WNK2: variants seen among roughly 807,000 people sequenced by gnomAD.
The protein encoded by WNK2 is serine/threonine-protein kinase WNK2.
Under a neutral mutation model 192.1 loss-of-function variants are expected in WNK2, and 67 were observed. The observed-to-expected ratio is 0.35, with a 90% CI of 0.29 to 0.43. WNK2 has a LOEUF of 0.43. Among genes scored for constraint, WNK2 ranks in the 20% least tolerant of loss-of-function variants. The probability of loss-of-function intolerance (pLI) is 1.00; values close to 1 mark genes in which losing one functional copy is unlikely to be tolerated. For synonymous variants in WNK2, 1,439 were observed against 1,393.9 expected (o/e 1.03, Z -0.72); for missense variants, 2,698 against 3,089.7 (o/e 0.87, Z 3.01).
intron 21 of WNK2, 45 bp from the exon 22 acceptor site, chr9:93,292,263 C>G (rs776770977): frequency 3.7e-6 from 6 of 1,605,512 alleles, no homozygotes; most frequent in Admixed American, 1.7e-5. Context: ...ATCTCTGCCT[C>G]TTCCTCCTCC....
intron 2 of WNK2, among the ~76,000 whole-genome samples, chr9:93,221,798 C>T (rs369081209): frequency 7.2e-5 from 11 of 152,088 alleles, no homozygotes; most frequent in Non-Finnish European, 1.6e-4. Flanking sequence ...AGAGCCGCGT[C>T]GTGTCCATCA....
intron 2 of WNK2, among the ~76,000 whole-genome samples, chr9:93,215,022 G>C (rs1170739075): frequency 6.6e-6 from 1 of 151,816 alleles, no homozygotes; most frequent in East Asian, 1.9e-4. Flanking sequence ...AGCTGGAACT[G>C]CAGGCATGTG....
chr9:93,314,988 C>G (rs1347392822), intron 28 of WNK2, among the ~76,000 whole-genome samples: 1 of 152,140 alleles, frequency 6.6e-6, no homozygotes, highest in African/African-American at 2.4e-5. Flanking sequence ...AGTCAGCAAG[C>G]AGAATGCCTT....
In WNK2 at chr9:93,257,833, CTGACTGCA is replaced by C. The variant is rs1843559411; in HGVS notation, c.2382+697_2382+704del. Among the ~76,000 whole-genome samples, 1 of 152,212 alleles carries C rather than the reference CTGACTGCA, an allele frequency of 6.6e-6. No homozygotes were observed. Among genetic ancestry groups the C allele is most frequent in the African/African-American group, 2.4e-5 (1 of 41,460 alleles). Reference sequence around the variant, plus strand: ...GTACACTGTCTTTCACTCGAGGGACCTGACTGCATGTAACTGGTGCAGAATGTAGCCGG... The same window carrying C: ...GTACACTGTCTTTCACTCGAGGGACCTGTAACTGGTGCAGAATGTAGCCGG... On this transcript the variant is annotated intron_variant, in intron 11 of 29. Coordinates refer to ENST00000427277, the MANE Select transcript of WNK2 (RefSeq NM_006648.4). The surrounding 1 kb of genome is among the most constrained non-coding windows in gnomAD (Gnocchi z 4.7).
chr9:93,301,355 A>G (rs1215623420), intron 26 of WNK2, among the ~76,000 whole-genome samples: 1 of 152,210 alleles, frequency 6.6e-6, no homozygotes, highest in African/African-American at 2.4e-5. Flanking sequence ...GTCCACTGCC[A>G]TCCACCCACC....
At chr9:93,207,938 G>T (rs924586990) in intron 2 of WNK2, among the ~76,000 whole-genome samples, 1 of 152,198 alleles carries the variant, frequency 6.6e-6, no homozygotes, top group Non-Finnish European at 1.5e-5. Flanking sequence ...GGACAGCTTC[G>T]TGTCCCACCC....
intron 16 of WNK2, among the ~76,000 whole-genome samples, chr9:93,266,179 G>A (rs754696686): frequency 3.3e-5 from 5 of 152,168 alleles, no homozygotes; most frequent in African/African-American, 9.7e-5. Context: ...TGGGACAGGC[G>A]CTGTTTAGAC....
At chr9:93,285,969 G>T (rs529973949) in intron 19 of WNK2, among the ~76,000 whole-genome samples, 3 of 152,200 alleles carry the variant, frequency 2.0e-5, no homozygotes, top group Non-Finnish European at 4.4e-5. Context: ...GGGATAGTAG[G>T]CTGTCCACAC....
chr9:93,249,587 C>T (rs1842242226), intron 8 of WNK2, among the ~76,000 whole-genome samples: 1 of 152,170 alleles, frequency 6.6e-6, no homozygotes, highest in Admixed American at 6.5e-5. Flanking sequence ...CATTCTCCTG[C>T]CTCAGCCCCT....
Position 93,297,747 on chromosome 9 carries a change from C to T in WNK2, c.5709-106C>T. 2.5e-6 allele frequency: 3 copies of T among 1,203,896 alleles called. No homozygotes were observed. The South Asian group carries it at 4.4e-5, about 18-fold the overall frequency. 74.6% of individuals were successfully genotyped at this position (1,203,896 alleles called of 1,614,324 possible). A position where few individuals can be genotyped will look rare whatever the true frequency, so the allele number is the denominator to read the frequency against. On this transcript the variant is annotated intron_variant, in intron 23 of 29. Coordinates refer to ENST00000427277, the MANE Select transcript of WNK2 (RefSeq NM_006648.4). ...CAGGCCAAGGCACAGGCAGGGTGCC[C>T]ACCCTTCATCCCATGTTCTCCCACG...
In WNK2 at chr9:93,292,967, C is replaced by G. The variant is rs563165488; in HGVS notation, c.5502C>G (p.Gly1834=). 2.3e-5 allele frequency: 36 copies of G among 1,537,722 alleles called. No homozygotes were observed. Among genetic ancestry groups the G allele is most frequent in the Non-Finnish European group, 2.9e-5 (33 of 1,143,360 alleles). ...ASLPVSGSVA[G]DFVKKATAFL... ...TGCCCGTGAGTGGCAGCGTGGCTGG[C>G]GACTTCGTGAAGAAGGCCACCGCCT... is the stretch of plus-strand genomic sequence containing the variant. Residue 1834 remains glycine, a synonymous_variant, in exon 23 of 30, where the codon GGC becomes GGG. Transcript: ENST00000427277.
chr9:93,213,871 AACTAGC>A (rs1835229565), intron 2 of WNK2, among the ~76,000 whole-genome samples: 1 of 152,222 alleles, frequency 6.6e-6, no homozygotes, highest in Non-Finnish European at 1.5e-5. Flanking sequence ...GTTTAATATA[AACTAGC>A]ACTTTACCAC....
Position 93,255,219 on chromosome 9 carries a change from G to A in WNK2, c.2035-1080G>A, listed in dbSNP as rs117814933. Among the ~76,000 whole-genome samples, 1,510 of 152,322 alleles carry A rather than the reference G, an allele frequency of 9.9e-3. 11 individuals carry two copies. Among genetic ancestry groups the A allele is most frequent in the Non-Finnish European group, 0.017 (1,129 of 68,030 alleles). On this transcript the variant is annotated intron_variant, in intron 9 of 29. Coordinates refer to ENST00000427277, the MANE Select transcript of WNK2 (RefSeq NM_006648.4). ...TCCCTACCCCTCCGTGCCTTTCCTGGGATGGTTGCCATGGTGATGTGTCTG... is the reference window on the plus strand; with the variant it reads ...TCCCTACCCCTCCGTGCCTTTCCTGAGATGGTTGCCATGGTGATGTGTCTG...
At chr9:93,237,253 A>G (rs1191841609) in intron 5 of WNK2, among the ~76,000 whole-genome samples, 1 of 152,084 alleles carries the variant, frequency 6.6e-6, no homozygotes, top group Non-Finnish European at 1.5e-5. Context: ...TTATTTCTTC[A>G]AGTCTTTTTT....
Position 93,252,915 on chromosome 9 carries a change from A to G in WNK2, c.1867A>G (p.Thr623Ala), listed in dbSNP as rs766123567. The change falls in exon 9 of 30, where the codon ACC becomes GCC. Residue 623 changes from threonine (T) to alanine (A), a missense_variant. Physicochemically the swap from Thr to Ala is moderately conservative, Grantham distance 58 (BLOSUM62 0). Coordinates refer to ENST00000427277, the MANE Select transcript of WNK2 (RefSeq NM_006648.4). Reference sequence around the variant, plus strand: ...CACCTTCGACAGCGGCCAGGGCTCTACCGTGTACTCAGACTCGCAGAGCAG... The same window carrying G: ...CACCTTCGACAGCGGCCAGGGCTCTGCCGTGTACTCAGACTCGCAGAGCAG... ...DSTFDSGQGS[T>A]VYSDSQSSQQ... 1.0e-5 allele frequency: 16 copies of G among 1,563,808 alleles called. No homozygotes were observed. Among genetic ancestry groups the G allele is most frequent in the Admixed American group, 9.4e-5 (5 of 53,012 alleles).
intron 2 of WNK2, among the ~76,000 whole-genome samples, chr9:93,208,194 G>C (rs1833741200): frequency 6.6e-6 from 1 of 152,198 alleles, no homozygotes; most frequent in African/African-American, 2.4e-5. Flanking sequence ...TTTGGAGATG[G>C]GTGTCCCTTG....
intron 7 of WNK2, among the ~76,000 whole-genome samples, chr9:93,246,898 A>T (rs1352098532): frequency 6.6e-6 from 1 of 152,184 alleles, no homozygotes; most frequent in Non-Finnish European, 1.5e-5. Flanking sequence ...GCCCCTTCAA[A>T]AGGGATCTCT....
At position 93,185,316 on chromosome 9, in the gene WNK2, C is replaced by T. The variant is rs1280843756; in HGVS notation, c.387C>T (p.Ile129=). The T allele has an allele frequency of 2.0e-6, 3 of 1,516,530 alleles. No individual in the cohort carries two copies. The highest frequency in any genetic ancestry group is 2.0e-5 in the Admixed American group (1 of 48,792). 93.9% of individuals were successfully genotyped at this position (1,516,530 alleles called of 1,614,324 possible). Residue 129 remains isoleucine (I), a synonymous_variant, in exon 2 of 30, where the codon ATC becomes ATT. Coordinates refer to ENST00000427277, the MANE Select transcript of WNK2 (RefSeq NM_006648.4). ...VGTQEPGPDP[I]AAAVETAPAP... ...CGCAGGAGCCCGGCCCGGACCCCATCGCAGCCGCTGTCGAAACCGCGCCTG... is the reference window on the plus strand; with the variant it reads ...CGCAGGAGCCCGGCCCGGACCCCATTGCAGCCGCTGTCGAAACCGCGCCTG...
chr9:93,204,211 T>C (rs73523657), intron 2 of WNK2, among the ~76,000 whole-genome samples: 44 of 152,208 alleles, frequency 2.9e-4, no homozygotes, highest in East Asian at 9.7e-4. Context: ...TTCAGAGATA[T>C]GGGCTTCACA....
Sources: gnomAD v4.1 joint callset for allele counts (sites outside exome capture counted in the v4.1 genomes callset) on GRCh38, gnomAD v4.1.1 for gene constraint, Gnocchi (gnomAD v3.1) non-coding constraint, MANE v1.5 for transcripts, NCBI Gene and HGNC (gene_info 2026-07-23, HGNC 2026-07-21) for gene names.